Variants in COL11A1 observed in about 807,000 individuals in gnomAD.
The protein encoded by COL11A1 is collagen type XI alpha 1 chain, also known as collagen alpha-1(XI) chain.
In COL11A1, 74 loss-of-function variants were observed where a neutral mutation model predicts 265.2. That is an observed-to-expected ratio of 0.28 (90% CI 0.23 to 0.34). The LOEUF (loss-of-function observed/expected upper bound fraction) is 0.34, where lower values mean the gene tolerates loss of function less well. Ranked by LOEUF, COL11A1 falls within the 10% of genes least tolerant of loss-of-function variation. The probability of loss-of-function intolerance (pLI) is 1.00; values close to 1 mark genes in which losing one functional copy is unlikely to be tolerated. For missense variants in COL11A1, 2,165 were observed against 2,263.6 expected (o/e 0.96, Z 0.88); for synonymous variants, 816 against 727.6 (o/e 1.12, Z -1.96).
intron 41 of COL11A1, among the ~76,000 whole-genome samples, chr1:102,961,373 C>T (rs975655685): frequency 1.3e-5 from 2 of 151,986 alleles, no homozygotes; most frequent in African/African-American, 4.8e-5. Flanking sequence ...GGGTTTTATG[C>T]TTTTATGCTT....
intron 12 of COL11A1, among the ~76,000 whole-genome samples, chr1:103,014,965 C>G (rs1215579077): frequency 6.6e-6 from 1 of 151,940 alleles, no homozygotes; most frequent in African/African-American, 2.4e-5. Context: ...ACAGTTACAG[C>G]TCAATCTCTA....
chr1:103,069,649 T>C (rs192335617), intron 4 of COL11A1, among the ~76,000 whole-genome samples: 63 of 151,896 alleles, frequency 4.1e-4, no homozygotes, highest in African/African-American at 1.3e-3. Flanking sequence ...TGCAAACATA[T>C]ATCAGACAAA....
At chr1:103,021,629 C>A in intron 9 of COL11A1, 78 bp downstream of exon 9, 1 of 923,402 alleles carries the variant, frequency 1.1e-6, no homozygotes, top group South Asian at 1.3e-5. Flanking sequence ...AAAACACGAA[C>A]ATACATAATA....
intron 4 of COL11A1, among the ~76,000 whole-genome samples, chr1:103,057,022 T>C (rs908179621): frequency 6.6e-6 from 1 of 152,140 alleles, no homozygotes; most frequent in Non-Finnish European, 1.5e-5. Flanking sequence ...TTTCTTAAAA[T>C]AAGGCAATGA....
chr1:103,094,632 A>C (rs973893410), intron 1 of COL11A1, among the ~76,000 whole-genome samples: 2 of 152,094 alleles, frequency 1.3e-5, no homozygotes, highest in African/African-American at 4.8e-5. Context: ...GATGATGATA[A>C]GGAAAATCTT....
At chr1:102,911,225 T>C (rs1480651305) in intron 54 of COL11A1, among the ~76,000 whole-genome samples, 1 of 152,158 alleles carries the variant, frequency 6.6e-6, no homozygotes, top group Non-Finnish European at 1.5e-5. Flanking sequence ...ACAAGTTTTA[T>C]TATAAATTAA....
chr1:103,092,372 A>C (rs2102374460), intron 1 of COL11A1, among the ~76,000 whole-genome samples: 1 of 152,274 alleles, frequency 6.6e-6, no homozygotes, highest in South Asian at 2.1e-4. Flanking sequence ...TGAATGCACA[A>C]AATATATGTA....
intron 54 of COL11A1, among the ~76,000 whole-genome samples, chr1:102,908,872 T>C (rs1654311917): frequency 6.6e-6 from 1 of 152,132 alleles, no homozygotes; most frequent in South Asian, 2.1e-4. Flanking sequence ...GAGTTAACAA[T>C]GTTGTCTAGT....
At chr1:103,094,039 T>C (rs1673543787) in intron 1 of COL11A1, among the ~76,000 whole-genome samples, 1 of 152,028 alleles carries the variant, frequency 6.6e-6, no homozygotes, top group African/African-American at 2.4e-5. Flanking sequence ...AAATTCCTCC[T>C]GAAGAAAACT....
chr1:103,018,685 C>A, intron 10 of COL11A1, 133 bp downstream of exon 10: 1 of 691,578 alleles, frequency 1.4e-6, no homozygotes, highest in Non-Finnish European at 2.4e-6. Context: ...AAGGCACCAG[C>A]TCCTCTGAAC....
chr1:102,990,314 G>A (rs951501553), intron 28 of COL11A1, among the ~76,000 whole-genome samples: 2 of 143,948 alleles, frequency 1.4e-5, no homozygotes, highest in Non-Finnish European at 3.0e-5. Flanking sequence ...ACTAATTTAT[G>A]CCTATAAATT....
intron 63 of COL11A1, chr1:102,884,729 C>A (rs1262688570): frequency 6.6e-6 from 1 of 152,282 alleles, no homozygotes; most frequent in Admixed American, 6.5e-5. Context: ...AGAAGAGATG[C>A]AAACCTCAGA....
At chr1:103,001,370 T>G in intron 24 of COL11A1, 1 of 396,528 alleles carries the variant, frequency 2.5e-6, no homozygotes. Flanking sequence ...GATAGAAATG[T>G]GCTATGACTA....
intron 53 of COL11A1, among the ~76,000 whole-genome samples, chr1:102,912,785 A>G (rs2101020463): frequency 6.6e-6 from 1 of 152,220 alleles, no homozygotes; most frequent in Non-Finnish European, 1.5e-5. Flanking sequence ...ATAGTGAGTG[A>G]GTTCTCACGA....
intron 57 of COL11A1, 77 bp downstream of exon 57, chr1:102,898,048 T>C (rs1652669636): frequency 2.3e-6 from 2 of 883,178 alleles, no homozygotes; most frequent in South Asian, 1.6e-5. Context: ...TAAACTAAAA[T>C]GTCAAAAATT....
chr1:103,056,053 T>C (rs143727670), intron 4 of COL11A1, among the ~76,000 whole-genome samples: 210 of 152,330 alleles, frequency 1.4e-3, no homozygotes, highest in African/African-American at 4.2e-3. Context: ...ACTTGTGTTT[T>C]ATTTTGTTTT....
At chr1:103,017,660 A>T (rs1214660723) in intron 11 of COL11A1, among the ~76,000 whole-genome samples, 160 bp downstream of exon 11, 5 of 152,192 alleles carry the variant, frequency 3.3e-5, no homozygotes, top group African/African-American at 1.2e-4. Context: ...TCAAAATAAT[A>T]TTTAAAATGT....
At chr1:103,059,054 G>A (rs566684593) in intron 4 of COL11A1, among the ~76,000 whole-genome samples, 1 of 152,078 alleles carries the variant, frequency 6.6e-6, no homozygotes, top group Non-Finnish European at 1.5e-5. Context: ...GATGCCAACA[G>A]ACTTGCTTGA....
At chr1:102,892,954 G>A (rs892430925) in intron 57 of COL11A1, among the ~76,000 whole-genome samples, 1 of 152,016 alleles carries the variant, frequency 6.6e-6, no homozygotes, top group Non-Finnish European at 1.5e-5. Context: ...ATTCTCTTTT[G>A]TATAAGAATA....
Sources: gnomAD v4.1 joint callset for allele counts (sites outside exome capture counted in the v4.1 genomes callset) on GRCh38, gnomAD v4.1.1 for gene constraint, MANE v1.5 for transcripts, NCBI Gene and HGNC (gene_info 2026-07-23, HGNC 2026-07-21) for gene names.